Variants in DCC observed in about 807,000 individuals in gnomAD.
DCC encodes netrin receptor DCC.
DCC carries 58 observed loss-of-function variants against 172.5 expected under a neutral mutation model. The ratio of observed to expected loss-of-function variants is 0.34; its 90% confidence interval spans 0.27 to 0.42. DCC has a LOEUF of 0.42. Among genes scored for constraint, DCC ranks in the 10% least tolerant of loss-of-function variants. DCC has a pLI of 1.00. For missense variants in DCC, 1,740 were observed against 1,791.0 expected (o/e 0.97, Z 0.51); for synonymous variants, 709 against 644.5 (o/e 1.10, Z -1.52).
chr18:53,117,355 G>T (rs1406567189), intron 7 of DCC, among the ~76,000 whole-genome samples: 1 of 151,712 alleles, frequency 6.6e-6, no homozygotes, highest in Non-Finnish European at 1.5e-5. Flanking sequence ...CTTTTCTTAA[G>T]CTCCTTTGAG....
At chr18:53,267,120 A>G (rs2056685208) in intron 12 of DCC, among the ~76,000 whole-genome samples, 1 of 149,130 alleles carries the variant, frequency 6.7e-6, no homozygotes, top group South Asian at 2.1e-4. Flanking sequence ...TCACACACAC[A>G]CACACACACA....
chr18:53,213,647 C>CA (rs34284373), intron 11 of DCC, among the ~76,000 whole-genome samples: 9,019 of 35,104 alleles, frequency 0.26, 1,641 homozygotes, highest in East Asian at 0.4. Context: ...GACTCCGTCT[C>CA]AAAAAAAAAA....
At chr18:53,105,618 A>T (rs1174656137) in intron 7 of DCC, among the ~76,000 whole-genome samples, 2 of 151,952 alleles carry the variant, frequency 1.3e-5, no homozygotes, top group African/African-American at 4.8e-5. Context: ...TTGTGATTTT[A>T]TTCATACACT....
intron 7 of DCC, among the ~76,000 whole-genome samples, chr18:53,114,388 CTGAG>C (rs1001019685): frequency 2.6e-5 from 4 of 151,662 alleles, no homozygotes; most frequent in Admixed American, 6.6e-5. Flanking sequence ...ATGCACTCTC[CTGAG>C]TATCAGTACT....
At chr18:53,482,018 CA>C (rs1219657134) in intron 25 of DCC, among the ~76,000 whole-genome samples, 2 of 151,956 alleles carry the variant, frequency 1.3e-5, no homozygotes, top group African/African-American at 4.8e-5. Flanking sequence ...ATAAACATAG[CA>C]GTGGAGTGAA....
chr18:52,700,370 T>TGC (rs1471822212), intron 1 of DCC, among the ~76,000 whole-genome samples: 1 of 141,584 alleles, frequency 7.1e-6, no homozygotes, highest in African/African-American at 2.6e-5. Flanking sequence ...CACACACACA[T>TGC]GCACACACAT....
intron 14 of DCC, among the ~76,000 whole-genome samples, chr18:53,335,297 G>A (rs1024365082): frequency 4.6e-5 from 7 of 152,102 alleles, no homozygotes; most frequent in Admixed American, 3.3e-4. Flanking sequence ...CATCAGCATA[G>A]CACTTATCAA....
chr18:53,137,888 T>C (rs2043769450), intron 7 of DCC, among the ~76,000 whole-genome samples: 1 of 152,090 alleles, frequency 6.6e-6, no homozygotes, highest in Non-Finnish European at 1.5e-5. Context: ...TGATCATGGC[T>C]CACTGCAGTT....
At chr18:53,256,582 G>A (rs559366849) in intron 12 of DCC, among the ~76,000 whole-genome samples, 5 of 151,922 alleles carry the variant, frequency 3.3e-5, no homozygotes, top group Non-Finnish European at 5.9e-5. Flanking sequence ...TCTCTGTTTT[G>A]GTACCAGTAC....
intron 27 of DCC, among the ~76,000 whole-genome samples, chr18:53,501,880 A>C (rs1253212249): frequency 1.9e-5 from 2 of 103,916 alleles, no homozygotes; most frequent in East Asian, 4.6e-4. Flanking sequence ...GCATTTTTTT[A>C]CTAGTTATTT....
intron 1 of DCC, among the ~76,000 whole-genome samples, chr18:52,671,482 C>A (rs1414729417): frequency 6.8e-6 from 1 of 146,694 alleles, no homozygotes; most frequent in Non-Finnish European, 1.5e-5. Context: ...CTATCAGAAT[C>A]TTTTCTTTTT....
intron 1 of DCC, among the ~76,000 whole-genome samples, chr18:52,366,934 C>T (rs1984891789): frequency 6.6e-6 from 1 of 152,214 alleles, no homozygotes; most frequent in Non-Finnish European, 1.5e-5. Context: ...GTCGATGGGA[C>T]TGGGCGCCGT....
intron 1 of DCC, among the ~76,000 whole-genome samples, chr18:52,427,835 T>TCTTCCTTCCTTTCTTC (rs1481412682): frequency 2.4e-4 from 11 of 46,016 alleles, no homozygotes; most frequent in African/African-American, 6.1e-4. Context: ...TTCCTTCCTT[T>TCTTCCTTCCTTTCTTC]CTTCCTTCCT....
At chr18:53,054,163 C>T (rs892381941) in intron 5 of DCC, among the ~76,000 whole-genome samples, 1 of 152,016 alleles carries the variant, frequency 6.6e-6, no homozygotes. Flanking sequence ...AGTGTAAATG[C>T]TGTGTAAATA....
chr18:52,379,358 G>T (rs563025420), intron 1 of DCC, among the ~76,000 whole-genome samples: 1 of 152,136 alleles, frequency 6.6e-6, no homozygotes, highest in South Asian at 2.1e-4. Flanking sequence ...TTAAATCCAG[G>T]CTCTTCTGCT....
At chr18:52,561,334 T>C (rs1036371099) in intron 1 of DCC, among the ~76,000 whole-genome samples, 2 of 151,696 alleles carry the variant, frequency 1.3e-5, no homozygotes, top group Non-Finnish European at 2.9e-5. Flanking sequence ...GTATATATAA[T>C]AGATATTTAA....
chr18:53,445,848 G>A (rs1359007035), intron 22 of DCC, among the ~76,000 whole-genome samples: 1 of 151,860 alleles, frequency 6.6e-6, no homozygotes, highest in Non-Finnish European at 1.5e-5. Flanking sequence ...TAATTTTAAT[G>A]GAACACATCT....
At chr18:52,844,858 A>G (rs2038860645) in intron 2 of DCC, among the ~76,000 whole-genome samples, 1 of 152,184 alleles carries the variant, frequency 6.6e-6, no homozygotes, top group African/African-American at 2.4e-5. Context: ...TTGACCATCA[A>G]AAGTCTCTGG....
intron 12 of DCC, among the ~76,000 whole-genome samples, chr18:53,252,971 G>A (rs1427771097): frequency 2.0e-5 from 3 of 151,918 alleles, no homozygotes; most frequent in African/African-American, 7.2e-5. Context: ...CATAGCTAAT[G>A]ATATAATAGG....
Sources: gnomAD v4.1 joint callset for allele counts (sites outside exome capture counted in the v4.1 genomes callset) on GRCh38, gnomAD v4.1.1 for gene constraint, MANE v1.5 for transcripts, NCBI Gene and HGNC (gene_info 2026-07-23, HGNC 2026-07-21) for gene names.